The following ERCC6L2 variants were observed in gnomAD, a reference collection of about 807,000 sequenced individuals.
The protein encoded by ERCC6L2 is ERCC excision repair 6 like 2.
Under a neutral mutation model 132.0 loss-of-function variants are expected in ERCC6L2, and 77 were observed. That is an observed-to-expected ratio of 0.58 (90% CI 0.49 to 0.71). The LOEUF is 0.71. ERCC6L2 is among the 30% of genes least tolerant of loss of function. ERCC6L2 has a pLI of 0.00. For missense variants in ERCC6L2, 1,542 were observed against 1,837.6 expected (o/e 0.84, Z 2.94); for synonymous variants, 583 against 632.4 (o/e 0.92, Z 1.17).
intron 2 of ERCC6L2, among the ~76,000 whole-genome samples, chr9:95,892,998 G>T (rs762957677): frequency 6.6e-6 from 1 of 152,090 alleles, no homozygotes; most frequent in Admixed American, 6.5e-5. Flanking sequence ...CTTTTGGGTT[G>T]ATATGATATT....
intron 11 of ERCC6L2, among the ~76,000 whole-genome samples, chr9:95,932,153 C>T (rs1830368615): frequency 6.6e-6 from 1 of 151,904 alleles, no homozygotes; most frequent in Admixed American, 6.6e-5. Flanking sequence ...CAACCTCCGC[C>T]TCCCGGATTT....
At chr9:95,927,892 A>G (rs1830168796) in intron 9 of ERCC6L2, among the ~76,000 whole-genome samples, 187 bp from the exon 10 acceptor site, 1 of 152,220 alleles carries the variant, frequency 6.6e-6, no homozygotes, top group Non-Finnish European at 1.5e-5. Context: ...ATGATGATGA[A>G]TAACATTTGA....
chr9:95,890,747 A>G (rs1276528498), intron 2 of ERCC6L2, among the ~76,000 whole-genome samples: 1 of 152,060 alleles, frequency 6.6e-6, no homozygotes, highest in Non-Finnish European at 1.5e-5. Flanking sequence ...GGCTCACTGC[A>G]GCCTTGACCT....
intron 17 of ERCC6L2, among the ~76,000 whole-genome samples, chr9:95,999,915 A>C (rs1317873847): frequency 2.7e-5 from 4 of 149,186 alleles, no homozygotes; most frequent in Non-Finnish European, 4.4e-5. Flanking sequence ...TTTTTGAGAC[A>C]GTCTCACTCC....
chr9:95,985,550 A>G (rs2133137854), intron 17 of ERCC6L2, among the ~76,000 whole-genome samples: 1 of 152,330 alleles, frequency 6.6e-6, no homozygotes, highest in South Asian at 2.1e-4. Context: ...TAGGAAATCC[A>G]TTCAAGAAGA....
intron 11 of ERCC6L2, among the ~76,000 whole-genome samples, chr9:95,939,944 A>G (rs1830721636): frequency 6.6e-6 from 1 of 152,062 alleles, no homozygotes; most frequent in African/African-American, 2.4e-5. Context: ...CCTCTTTGAC[A>G]CCATGCCAGC....
intron 12 of ERCC6L2, among the ~76,000 whole-genome samples, chr9:95,944,167 C>T (rs1378911813): frequency 6.6e-6 from 1 of 152,096 alleles, no homozygotes; most frequent in East Asian, 1.9e-4. Flanking sequence ...ACAGTTTATA[C>T]ATAAAATGGA....
intron 4 of ERCC6L2, among the ~76,000 whole-genome samples, chr9:95,914,808 T>A (rs1264321463): frequency 1.3e-5 from 2 of 152,240 alleles, no homozygotes; most frequent in Non-Finnish European, 2.9e-5. Flanking sequence ...ACACTATTTT[T>A]AATTGACTAT....
At chr9:95,915,981 C>T in intron 5 of ERCC6L2, 152 bp downstream of exon 5, 1 of 812,946 alleles carries the variant, frequency 1.2e-6, no homozygotes, top group Non-Finnish European at 1.9e-6. Context: ...AGTAGAGAGT[C>T]CCATGAAAAC....
intron 17 of ERCC6L2, among the ~76,000 whole-genome samples, chr9:96,003,982 C>T (rs1207100505): frequency 6.6e-6 from 1 of 152,174 alleles, no homozygotes; most frequent in Admixed American, 6.5e-5. Flanking sequence ...ATGATTCCAT[C>T]TATAATTCAG....
intron 13 of ERCC6L2, among the ~76,000 whole-genome samples, chr9:95,956,620 G>A (rs1393095003): frequency 1.3e-5 from 2 of 152,132 alleles, no homozygotes; most frequent in South Asian, 2.1e-4. Context: ...ATGGTGGAAG[G>A]GGAAGCAAGC....
At chr9:95,889,613 G>C (rs1228897242) in intron 2 of ERCC6L2, among the ~76,000 whole-genome samples, 1 of 151,912 alleles carries the variant, frequency 6.6e-6, no homozygotes, top group African/African-American at 2.4e-5. Context: ...TCAAAATATA[G>C]GACAATTCCA....
At chr9:95,891,168 G>A (rs1325412040) in intron 2 of ERCC6L2, among the ~76,000 whole-genome samples, 2 of 152,098 alleles carry the variant, frequency 1.3e-5, no homozygotes, top group African/African-American at 4.8e-5. Flanking sequence ...AGTCAAGATC[G>A]CACCATTGCA....
At chr9:95,932,070 A>G (rs1830364127) in intron 11 of ERCC6L2, among the ~76,000 whole-genome samples, 1 of 149,116 alleles carries the variant, frequency 6.7e-6, no homozygotes, top group Non-Finnish European at 1.5e-5. Context: ...GTTTGAAATG[A>G]TCACTTTTTT....
At chr9:95,978,245 T>C (rs2133108187) in intron 17 of ERCC6L2, 30 bp downstream of exon 17, 4 of 1,305,360 alleles carry the variant, frequency 3.1e-6, no homozygotes, top group Non-Finnish European at 4.0e-6. Flanking sequence ...GTATCATCTT[T>C]AGTTACCTCA....
chr9:96,008,510 G>A (rs1284561306), intron 18 of ERCC6L2, among the ~76,000 whole-genome samples: 1 of 152,174 alleles, frequency 6.6e-6, no homozygotes, highest in Non-Finnish European at 1.5e-5. Context: ...AGAAGACTAA[G>A]AAATGGAAGT....
intron 3 of ERCC6L2, among the ~76,000 whole-genome samples, chr9:95,899,193 T>C (rs1388724751): frequency 6.6e-6 from 1 of 152,302 alleles, no homozygotes; most frequent in South Asian, 2.1e-4. Context: ...TTCATGCCTG[T>C]AATCCCAGTA....
chr9:95,882,336 A>G (rs1032001220), intron 2 of ERCC6L2, among the ~76,000 whole-genome samples: 2 of 152,170 alleles, frequency 1.3e-5, no homozygotes, highest in African/African-American at 4.8e-5. Flanking sequence ...TGGGAATATG[A>G]AGAGGTGGGT....
chr9:95,876,217 C>T (rs1165835211), intron 1 of ERCC6L2, 133 bp downstream of exon 1: 3 of 758,932 alleles, frequency 4.0e-6, no homozygotes, highest in African/African-American at 1.8e-5. Flanking sequence ...GATTGTGAAC[C>T]CCTCCAGGCC....
Sources: gnomAD v4.1 joint callset for allele counts (sites outside exome capture counted in the v4.1 genomes callset) on GRCh38, gnomAD v4.1.1 for gene constraint, MANE v1.5 for transcripts, NCBI Gene and HGNC (gene_info 2026-07-23, HGNC 2026-07-21) for gene names.